TCF7L2: variants seen among roughly 807,000 people sequenced by gnomAD.
TCF7L2 encodes the protein transcription factor 7 like 2.
A neutral mutation model predicts 77.9 loss-of-function variants in TCF7L2; 23 were observed. The ratio of observed to expected loss-of-function variants is 0.30; its 90% CI spans 0.21 to 0.42. The LOEUF (loss-of-function observed/expected upper bound fraction) is 0.42, where lower values mean the gene tolerates loss of function less well. Ranked by LOEUF, TCF7L2 falls within the 10% of genes least tolerant of loss-of-function variation. The pLI is 1.00. For missense variants in TCF7L2, 654 were observed against 793.1 expected (o/e 0.82, Z 2.11); for synonymous variants, 413 against 340.2 (o/e 1.21, Z -2.36).
intron 4 of TCF7L2, among the ~76,000 whole-genome samples, chr10:113,021,454 C>CAATT (rs928260696): frequency 2.6e-5 from 4 of 152,132 alleles, no homozygotes; most frequent in Admixed American, 6.5e-5. Flanking sequence ...CCAAATGAGG[C>CAATT]AATTACCAAC....
At chr10:113,092,671 G>C (rs556250962) in intron 5 of TCF7L2, among the ~76,000 whole-genome samples, 19 of 152,258 alleles carry the variant, frequency 1.2e-4, no homozygotes, top group African/African-American at 4.1e-4. Flanking sequence ...ACGAAGTCAG[G>C]AGTTCGACAT....
At chr10:113,161,468 T>C (rs1488350448) in intron 13 of TCF7L2, 2 of 1,185,388 alleles carry the variant, frequency 1.7e-6, no homozygotes. Context: ...TCAGGGAAAG[T>C]GTAGGTACTT....
intron 4 of TCF7L2, among the ~76,000 whole-genome samples, chr10:112,966,776 G>A (rs1049498005): frequency 8.5e-5 from 13 of 152,196 alleles, no homozygotes; most frequent in African/African-American, 3.1e-4. Flanking sequence ...GCCATGTGAA[G>A]CTCTTTCTCA....
Position 112,950,657 on chromosome 10 carries a change from A to G in TCF7L2, c.-100A>G, listed in dbSNP as rs1470984375. ...ACCTTGGACTCGTCTTTTTCTTGCA[A>G]TATTTTTTGGGGGGGCAAAACTTTT... On this transcript the variant is annotated 5_prime_UTR_variant, in exon 1 of 14. Coordinates refer to ENST00000627217, the MANE Select transcript of TCF7L2 (RefSeq NM_001146274.2). 2.1e-6 allele frequency: 3 copies of G among 1,408,442 alleles called. No homozygotes were observed. Among genetic ancestry groups the G allele is most frequent in the Non-Finnish European group, 2.8e-6 (3 of 1,053,236 alleles). The allele number at this position is 1,408,442 out of a possible 1,614,324, so 87.2% of individuals were successfully genotyped here.
chr10:112,950,608 A>G lies in TCF7L2; in HGVS notation c.-149A>G. The G allele has an allele frequency of 1.2e-5, 9 of 760,582 alleles. No individual in the cohort carries two copies. The highest frequency in any genetic ancestry group is 9.7e-5 in the East Asian group (3 of 30,848). 47.1% of individuals were successfully genotyped at this position (760,582 alleles called of 1,614,324 possible). Reference sequence around the variant, plus strand: ...CTCTTTTCCCCTCCCCAGGAGAAAAAGACCCCCAAGCAGAAAAAAGTTCAC... The same window carrying G: ...CTCTTTTCCCCTCCCCAGGAGAAAAGGACCCCCAAGCAGAAAAAAGTTCAC... On this transcript the variant is annotated 5_prime_UTR_variant, in exon 1 of 14. Transcript: ENST00000627217.
chr10:113,068,810 G>A (rs139122049), intron 5 of TCF7L2, among the ~76,000 whole-genome samples: 8 of 151,860 alleles, frequency 5.3e-5, no homozygotes, highest in Admixed American at 3.3e-4. Flanking sequence ...CAGCTTCTGC[G>A]CACTCTGAAC....
chr10:113,082,522 A>T (rs1040316708), intron 5 of TCF7L2, among the ~76,000 whole-genome samples: 3 of 152,138 alleles, frequency 2.0e-5, no homozygotes, highest in African/African-American at 7.2e-5. Context: ...ATTCCTATTC[A>T]TGATGCCATA....
chr10:113,051,234 C>A (rs2054398788), intron 5 of TCF7L2, among the ~76,000 whole-genome samples: 1 of 148,124 alleles, frequency 6.8e-6, no homozygotes, highest in South Asian at 2.1e-4. Context: ...CACACACACA[C>A]ACACACACAG....
chr10:113,025,702 G>A (rs2049028352), intron 4 of TCF7L2, among the ~76,000 whole-genome samples: 1 of 151,944 alleles, frequency 6.6e-6, no homozygotes, highest in African/African-American at 2.4e-5. Flanking sequence ...GGATTTTTGG[G>A]TTAGAGTTGC....
At chr10:113,081,197 G>A (rs1033951573) in intron 5 of TCF7L2, among the ~76,000 whole-genome samples, 2 of 152,170 alleles carry the variant, frequency 1.3e-5, no homozygotes, top group African/African-American at 4.8e-5. Flanking sequence ...AGATATGTTG[G>A]CTTTTAAAGA....
intron 2 of TCF7L2, 32 bp downstream of exon 2, chr10:112,951,305 C>G (rs750185958): frequency 1.8e-6 from 2 of 1,115,482 alleles, no homozygotes; most frequent in African/African-American, 3.4e-5. Context: ...CGCAGCCGCC[C>G]GGAGCCGCCC....
Position 113,151,978 on chromosome 10 carries a change from CT to C in TCF7L2, c.1161+97del. The C allele has an allele frequency of 1.3e-6, 2 of 1,492,042 alleles. No individual in the cohort carries two copies. The highest frequency in any genetic ancestry group is 2.7e-5 in the South Asian group (2 of 73,282). 92.4% of individuals were successfully genotyped at this position (1,492,042 alleles called of 1,614,324 possible). ...TGGCAGAATGTCTCTGTCCCCATTT[CT>C]TTGGAGAATTCTTGCCCTTCAGCCA... On this transcript the variant is annotated intron_variant, in intron 10 of 13. Transcript: ENST00000627217. The surrounding 1 kb of genome is among the most constrained non-coding windows in gnomAD (Gnocchi z 5.2).
At chr10:113,075,512 A>T (rs1393355118) in intron 5 of TCF7L2, among the ~76,000 whole-genome samples, 1 of 152,188 alleles carries the variant, frequency 6.6e-6, no homozygotes, top group African/African-American at 2.4e-5. Flanking sequence ...ATGGCAACCC[A>T]ATTTGCAAAT....
At chr10:113,029,452 G>T (rs952687124) in intron 4 of TCF7L2, among the ~76,000 whole-genome samples, 1 of 151,556 alleles carries the variant, frequency 6.6e-6, no homozygotes, top group Non-Finnish European at 1.5e-5. Context: ...TATAGAACGG[G>T]TTCACAGGTT....
At chr10:113,100,578 C>CT (rs1207018600) in intron 5 of TCF7L2, among the ~76,000 whole-genome samples, 2 of 152,102 alleles carry the variant, frequency 1.3e-5, no homozygotes, top group African/African-American at 4.8e-5. Flanking sequence ...GTGGAAGATT[C>CT]TCTCATCCTC....
rs2137655164 is a variant in TCF7L2 at position 113,165,850 on chromosome 10, T to C, written c.1687T>C (p.Leu563=). Reference sequence around the variant, plus strand: ...GGCCCTGGACCTGCCCCCAGCCGCTTTGCAGCCTGCCGCCCCCTCCTCATC... The same window carrying C: ...GGCCCTGGACCTGCCCCCAGCCGCTCTGCAGCCTGCCGCCCCCTCCTCATC... The change falls in exon 14 of 14, where the codon TTG becomes CTG. Residue 563 remains leucine, a synonymous_variant. Transcript: ENST00000627217. 6.2e-7 allele frequency: 1 copy of C among 1,608,194 alleles called. No homozygotes were observed. Among genetic ancestry groups the C allele is most frequent in the South Asian group, 1.1e-5 (1 of 90,604 alleles).
intron 5 of TCF7L2, among the ~76,000 whole-genome samples, chr10:113,117,993 A>C (rs1191690228): frequency 2.4e-5 from 3 of 126,954 alleles, no homozygotes; most frequent in East Asian, 5.4e-4. Context: ...AATAAATAAT[A>C]AAATAAATAT....
intron 7 of TCF7L2, 42 bp from the exon 8 acceptor site, chr10:113,145,969 A>AC: frequency 1.9e-5 from 10 of 535,438 alleles, no homozygotes; most frequent in Non-Finnish European, 1.8e-5. Context: ...CCCCACCCCC[A>AC]CCCTTGTTTC....
intron 5 of TCF7L2, 37 bp downstream of exon 5, chr10:113,040,163 G>A (rs772051243): frequency 1.0e-5 from 16 of 1,577,096 alleles, no homozygotes; most frequent in Middle Eastern, 1.7e-4. Flanking sequence ...TTCCTTTATT[G>A]AGGGGGTGAA....
Sources: allele counts gnomAD v4.1 joint callset (sites outside exome capture counted in the v4.1 genomes callset), GRCh38; gene constraint gnomAD v4.1.1; non-coding constraint Gnocchi (gnomAD v3.1); transcripts MANE v1.5; gene names NCBI Gene and HGNC (gene_info 2026-07-23, HGNC 2026-07-21).